GALNT13: variants seen among roughly 807,000 people sequenced by gnomAD.
GALNT13 encodes polypeptide N-acetylgalactosaminyltransferase 13.
In GALNT13, 28 loss-of-function variants were observed where a neutral mutation model predicts 64.2. The observed-to-expected ratio is 0.44, with a 90% CI of 0.32 to 0.60. The LOEUF is 0.60. Among genes scored for constraint, GALNT13 ranks in the 20% least tolerant of loss-of-function variants. GALNT13 has a pLI of 0.05. For synonymous variants in GALNT13, 214 were observed against 224.6 expected, an observed-to-expected ratio of 0.95 and a Z score of 0.42; for missense variants, 577 against 669.8, an observed-to-expected ratio of 0.86 and a Z score of 1.53.
the GALNT13 span, among the ~76,000 whole-genome samples, chr2:153,496,746 G>T: frequency 6.6e-6 from 1 of 152,076 alleles, no homozygotes; most frequent in Non-Finnish European, 1.5e-5. Context: ...GGAATTTTGG[G>T]AGTTCAAGGT....
the GALNT13 span, among the ~76,000 whole-genome samples, chr2:153,519,864 A>G: frequency 1.3e-5 from 2 of 152,168 alleles, no homozygotes; most frequent in African/African-American, 2.4e-5. Flanking sequence ...ATTATTTCTT[A>G]GGTAAATCCA....
chr2:154,247,514 G>T (rs1689843762), intron 7 of GALNT13, among the ~76,000 whole-genome samples: 1 of 151,764 alleles, frequency 6.6e-6, no homozygotes, highest in Non-Finnish European at 1.5e-5. Context: ...AAACACATTG[G>T]CAAAAAACAT....
chr2:153,302,922 A>G, the GALNT13 span, among the ~76,000 whole-genome samples: 5 of 152,132 alleles, frequency 3.3e-5, no homozygotes, highest in Admixed American at 1.3e-4. Flanking sequence ...TAAAAGGCCA[A>G]TACCATGTGT....
the GALNT13 span, among the ~76,000 whole-genome samples, chr2:153,113,641 G>A: frequency 6.6e-6 from 1 of 152,000 alleles, no homozygotes; most frequent in Admixed American, 6.6e-5. Flanking sequence ...TCAGCTAACA[G>A]CACCATCCCT....
intron 4 of GALNT13, among the ~76,000 whole-genome samples, chr2:154,170,669 T>C (rs1685298089): frequency 6.6e-6 from 1 of 152,182 alleles, no homozygotes; most frequent in South Asian, 2.1e-4. Flanking sequence ...AATAATACCT[T>C]TTAAGACTGT....
the GALNT13 span, among the ~76,000 whole-genome samples, chr2:153,744,185 A>G: frequency 6.6e-6 from 1 of 152,244 alleles, no homozygotes. Context: ...TCTTTTGGGT[A>G]TATGCCCAGC....
At chr2:153,198,412 A>G in the GALNT13 span, among the ~76,000 whole-genome samples, 2 of 152,166 alleles carry the variant, frequency 1.3e-5, no homozygotes, top group Non-Finnish European at 2.9e-5. Flanking sequence ...GAGCTGCTCC[A>G]AATCTCTGGC....
chr2:153,168,380 T>C, the GALNT13 span, among the ~76,000 whole-genome samples: 3 of 152,232 alleles, frequency 2.0e-5, no homozygotes, highest in Admixed American at 1.3e-4. Flanking sequence ...TTTGTTTTTA[T>C]ATTTTTTATT....
chr2:154,421,763 A>C lies in GALNT13; in HGVS notation c.1395+12681A>C, dbSNP rs140775565. On this transcript the variant is annotated intron_variant, in intron 11 of 12. Coordinates refer to ENST00000392825, the MANE Select transcript of GALNT13 (RefSeq NM_052917.4). The stretch of plus-strand genomic sequence containing the variant: ...ATGAAATGGGTTTTTTCTTTTAATT[A>C]CATCATATATAATTATACATGCAAG... 6.3e-3 allele frequency among the ~76,000 whole-genome samples: 957 copies of C among 152,232 alleles called. 13 individuals carry two copies. The highest frequency in any genetic ancestry group is 0.022 in the African/African-American group (906 of 41,552).
intron 4 of GALNT13, among the ~76,000 whole-genome samples, chr2:154,154,718 C>T (rs972336107): frequency 9.9e-5 from 15 of 151,904 alleles, no homozygotes; most frequent in African/African-American, 1.5e-4. Context: ...GGATGGCATG[C>T]GGTTGAATTT....
the GALNT13 span, among the ~76,000 whole-genome samples, chr2:153,673,184 G>C: frequency 6.6e-6 from 1 of 152,110 alleles, no homozygotes; most frequent in South Asian, 2.1e-4. Context: ...TAGAAAAAGA[G>C]GGAACCCTCT....
the GALNT13 span, among the ~76,000 whole-genome samples, chr2:153,705,991 T>C: frequency 6.6e-6 from 1 of 151,724 alleles, no homozygotes; most frequent in Non-Finnish European, 1.5e-5. Context: ...TTGAGGACTA[T>C]ATATATATAT....
At chr2:153,148,221 T>G in the GALNT13 span, among the ~76,000 whole-genome samples, 1 of 151,898 alleles carries the variant, frequency 6.6e-6, no homozygotes, top group Non-Finnish European at 1.5e-5. Context: ...TTGTGGGTGT[T>G]GAATGCTTCT....
chr2:154,226,539 G>A (rs1223104684), intron 4 of GALNT13, among the ~76,000 whole-genome samples: 1 of 152,086 alleles, frequency 6.6e-6, no homozygotes, highest in Non-Finnish European at 1.5e-5. Context: ...TGTGCATGGA[G>A]AAATATGCAA....
At chr2:153,190,474 G>A in the GALNT13 span, among the ~76,000 whole-genome samples, 1 of 151,904 alleles carries the variant, frequency 6.6e-6, no homozygotes, top group Non-Finnish European at 1.5e-5. Flanking sequence ...ATGTTGTTTT[G>A]GTTAATAAAG....
the GALNT13 span, among the ~76,000 whole-genome samples, chr2:153,461,140 T>A: frequency 6.6e-6 from 1 of 152,156 alleles, no homozygotes; most frequent in Non-Finnish European, 1.5e-5. Flanking sequence ...AATCCTTCCT[T>A]TAAACAGCTT....
At chr2:153,497,364 T>C in the GALNT13 span, among the ~76,000 whole-genome samples, 1 of 152,080 alleles carries the variant, frequency 6.6e-6, no homozygotes, top group African/African-American at 2.4e-5. Flanking sequence ...TATGAGCCTC[T>C]TCTCTATGTT....
At chr2:154,243,089 T>C (rs1386711832) in intron 6 of GALNT13, among the ~76,000 whole-genome samples, 184 bp downstream of exon 6, 1 of 152,212 alleles carries the variant, frequency 6.6e-6, no homozygotes, top group Non-Finnish European at 1.5e-5. Flanking sequence ...TGGACATAGA[T>C]AGTTGATTAA....
chr2:153,146,618 C>T, the GALNT13 span, among the ~76,000 whole-genome samples: 2 of 152,002 alleles, frequency 1.3e-5, no homozygotes, highest in African/African-American at 2.4e-5. Flanking sequence ...TCTGTTCTTT[C>T]TGTCCCCTGA....
Sources: allele counts gnomAD v4.1 joint callset (sites outside exome capture counted in the v4.1 genomes callset), GRCh38; gene constraint gnomAD v4.1.1; transcripts MANE v1.5; gene names NCBI Gene and HGNC (gene_info 2026-07-23, HGNC 2026-07-21).